Variants in BAIAP2 observed in about 807,000 individuals in gnomAD.
The protein encoded by BAIAP2 is BAR/IMD domain containing adaptor protein 2.
A neutral mutation model predicts 63.0 loss-of-function variants in BAIAP2; 18 were observed. The observed-to-expected ratio is 0.29, with a 90% CI of 0.20 to 0.42. The LOEUF is 0.42. BAIAP2 is among the 10% of genes least tolerant of loss of function. The pLI is 1.00. For synonymous variants in BAIAP2, 386 were observed against 307.6 expected (o/e 1.25, Z -2.67); for missense variants, 610 against 734.3 (o/e 0.83, Z 1.96).
At chr17:81,058,501 G>A (rs949765529) in intron 3 of BAIAP2, among the ~76,000 whole-genome samples, 5 of 152,256 alleles carry the variant, frequency 3.3e-5, no homozygotes, top group Non-Finnish European at 5.9e-5. Context: ...CAGGGCCCAC[G>A]TGGTGGTGCT....
chr17:81,085,155 C>T, intron 4 of BAIAP2: 1 of 556,366 alleles, frequency 1.8e-6, no homozygotes, highest in Admixed American at 3.1e-5. Context: ...GTCCTGATCG[C>T]AGCCCCAGCC....
chr17:81,079,284 T>C (rs1228125671), intron 3 of BAIAP2, among the ~76,000 whole-genome samples: 1 of 152,134 alleles, frequency 6.6e-6, no homozygotes, highest in Non-Finnish European at 1.5e-5. Flanking sequence ...GGCTCCCTGG[T>C]CACAGGCAGT....
At chr17:81,089,992 C>T (rs1267585257) in intron 6 of BAIAP2, among the ~76,000 whole-genome samples, 1 of 152,148 alleles carries the variant, frequency 6.6e-6, no homozygotes, top group Non-Finnish European at 1.5e-5. Context: ...GTCTTTCTTC[C>T]CAGGTCCCAG....
chr17:81,044,553 C>T (rs781764318), intron 1 of BAIAP2, among the ~76,000 whole-genome samples: 7 of 152,190 alleles, frequency 4.6e-5, no homozygotes, highest in Non-Finnish European at 5.9e-5. Context: ...TTGCACTGCG[C>T]GATGCCGGGG....
intron 3 of BAIAP2, among the ~76,000 whole-genome samples, chr17:81,067,392 G>T (rs999000191): frequency 3.9e-5 from 6 of 152,208 alleles, no homozygotes; most frequent in Non-Finnish European, 8.8e-5. Context: ...GGGGCGGGGG[G>T]GCCTCATGGT....
At chr17:81,080,399 G>A (rs922965330) in intron 3 of BAIAP2, among the ~76,000 whole-genome samples, 1 of 152,260 alleles carries the variant, frequency 6.6e-6, no homozygotes, top group Non-Finnish European at 1.5e-5. Flanking sequence ...CACACGCCTG[G>A]TCTGTGCAGC....
intron 1 of BAIAP2, among the ~76,000 whole-genome samples, chr17:81,050,112 G>A (rs982698552): frequency 3.3e-5 from 5 of 152,232 alleles, no homozygotes; most frequent in Admixed American, 6.5e-5. Flanking sequence ...CCTACAGTGC[G>A]TGCCTGAGGC....
intron 8 of BAIAP2, 88 bp from the exon 9 acceptor site, chr17:81,103,819 C>T: frequency 1.3e-6 from 2 of 1,589,180 alleles, no homozygotes; most frequent in South Asian, 1.1e-5. Flanking sequence ...TCCAGGGGCC[C>T]CTGCTGAGGG....
intron 7 of BAIAP2, among the ~76,000 whole-genome samples, chr17:81,101,644 C>A (rs1328342609): frequency 6.6e-6 from 1 of 152,200 alleles, no homozygotes; most frequent in African/African-American, 2.4e-5. Context: ...TGCACACACA[C>A]ACACACGCAC....
intron 13 of BAIAP2, among the ~76,000 whole-genome samples, chr17:81,113,150 G>A (rs1393931509): frequency 1.3e-5 from 2 of 152,246 alleles, no homozygotes; most frequent in Non-Finnish European, 2.9e-5. Context: ...TGAGGAGACA[G>A]AGCCCAGGCC....
chr17:81,053,498 T>C (rs538580484), intron 1 of BAIAP2, 170 bp from the exon 2 acceptor site: 18 of 682,626 alleles, frequency 2.6e-5, no homozygotes, highest in African/African-American at 2.3e-4. Flanking sequence ...CCAAGGACAT[T>C]GATCAGGGGC....
chr17:81,085,298 G>C (rs2055378178), intron 4 of BAIAP2: 1 of 515,850 alleles, frequency 1.9e-6, no homozygotes, highest in Non-Finnish European at 3.6e-6. Context: ...TCTAAAGCCA[G>C]GGGTCTGACC....
chr17:81,096,290 G>A (rs112943437), intron 6 of BAIAP2, among the ~76,000 whole-genome samples: 4,813 of 152,270 alleles, frequency 0.032, 103 homozygotes, highest in Middle Eastern at 0.051. Context: ...GCCGGCCACC[G>A]CTGGAAAAGT....
At chr17:81,050,195 G>A (rs746346697) in intron 1 of BAIAP2, among the ~76,000 whole-genome samples, 19 of 152,334 alleles carry the variant, frequency 1.2e-4, no homozygotes, top group Non-Finnish European at 2.4e-4. Flanking sequence ...TGGCCCTTCC[G>A]CCCGCCCGGG....
intron 3 of BAIAP2, among the ~76,000 whole-genome samples, chr17:81,060,849 G>A (rs1426152703): frequency 2.0e-5 from 3 of 152,162 alleles, no homozygotes; most frequent in Admixed American, 1.3e-4. Context: ...AGGGCCGGGC[G>A]CGGTGGCTCA....
At chr17:81,037,463 T>A (rs1347737859) in intron 1 of BAIAP2, among the ~76,000 whole-genome samples, 1 of 152,222 alleles carries the variant, frequency 6.6e-6, no homozygotes, top group Non-Finnish European at 1.5e-5. Context: ...GAGCTCAAGG[T>A]GCCTTGGTAG....
chr17:81,106,263 G>A (rs894931495), intron 11 of BAIAP2, 117 bp downstream of exon 11: 81 of 1,098,330 alleles, frequency 7.4e-5, no homozygotes, highest in East Asian at 7.8e-5. Context: ...GTCTGCTACC[G>A]CAGGGCCATC....
At chr17:81,048,229 C>T (rs555829490) in intron 1 of BAIAP2, among the ~76,000 whole-genome samples, 3 of 152,028 alleles carry the variant, frequency 2.0e-5, no homozygotes, top group Admixed American at 6.5e-5. Context: ...TACTGAAATA[C>T]AAAAATTAGC....
chr17:81,037,018 A>T (rs1308560840), intron 1 of BAIAP2: 1 of 1,431,438 alleles, frequency 7.0e-7, no homozygotes, highest in Non-Finnish European at 9.5e-7. Context: ...GTCCTTAATA[A>T]AACTCTCCTA....
Sources: gnomAD v4.1 joint callset for allele counts (sites outside exome capture counted in the v4.1 genomes callset) on GRCh38, gnomAD v4.1.1 for gene constraint, MANE v1.5 for transcripts, NCBI Gene and HGNC (gene_info 2026-07-23, HGNC 2026-07-21) for gene names.